SMAP1: variants seen among roughly 807,000 people sequenced by gnomAD.
SMAP1 encodes the protein stromal membrane-associated protein 1.
SMAP1 carries 24 observed loss-of-function variants against 58.5 expected under a neutral mutation model. The ratio of observed to expected loss-of-function variants is 0.41; its 90% CI spans 0.30 to 0.58. The LOEUF (loss-of-function observed/expected upper bound fraction) is 0.58, where lower values mean the gene tolerates loss of function less well. SMAP1 is among the 20% of genes least tolerant of loss of function. SMAP1 has a pLI of 0.29. For synonymous variants in SMAP1, 216 were observed against 196.6 expected (o/e 1.10, Z -0.82); for missense variants, 563 against 566.3 (o/e 0.99, Z 0.06).
chr6:70,789,121 TTC>T (rs1768223248), intron 4 of SMAP1, among the ~76,000 whole-genome samples: 1 of 152,202 alleles, frequency 6.6e-6, no homozygotes, highest in Non-Finnish European at 1.5e-5. Flanking sequence ...TGATTTCTGT[TTC>T]TTTATTCGTT....
intron 3 of SMAP1, among the ~76,000 whole-genome samples, chr6:70,771,598 G>A (rs899623357): frequency 8.5e-5 from 13 of 152,166 alleles, no homozygotes; most frequent in African/African-American, 2.7e-4. Flanking sequence ...TTTTAAGCCC[G>A]TCGGAAAAGC....
chr6:70,853,264 TA>T (rs1202455424), intron 8 of SMAP1, among the ~76,000 whole-genome samples: 2 of 152,152 alleles, frequency 1.3e-5, no homozygotes, highest in African/African-American at 4.8e-5. Flanking sequence ...GATATTTTAA[TA>T]AAAGTATTAA....
intron 2 of SMAP1, among the ~76,000 whole-genome samples, chr6:70,751,337 C>T (rs1047306795): frequency 6.6e-6 from 1 of 152,186 alleles, no homozygotes; most frequent in African/African-American, 2.4e-5. Context: ...TTAAAGTAAA[C>T]ATGAATGTTG....
At chr6:70,730,153 T>G (rs1765367521) in intron 1 of SMAP1, among the ~76,000 whole-genome samples, 1 of 152,146 alleles carries the variant, frequency 6.6e-6, no homozygotes, top group African/African-American at 2.4e-5. Context: ...GGGCTCAAGC[T>G]ATCCTTCTGC....
chr6:70,721,890 C>G (rs1768544120), intron 1 of SMAP1, among the ~76,000 whole-genome samples: 1 of 152,152 alleles, frequency 6.6e-6, no homozygotes, highest in Admixed American at 6.5e-5. Flanking sequence ...CCCCATGATT[C>G]AATTACCTTG....
At chr6:70,720,280 G>A (rs565431825) in intron 1 of SMAP1, among the ~76,000 whole-genome samples, 58 of 152,284 alleles carry the variant, frequency 3.8e-4, no homozygotes, top group African/African-American at 1.3e-3. Flanking sequence ...ATGAGTGCAG[G>A]TCTTGCATCG....
chr6:70,679,811 A>G (rs1326473216), intron 1 of SMAP1, among the ~76,000 whole-genome samples: 1 of 152,206 alleles, frequency 6.6e-6, no homozygotes, highest in Non-Finnish European at 1.5e-5. Context: ...GTTCTCTCCA[A>G]ATTAGTCTCT....
chr6:70,709,558 G>A (rs1283254414), intron 1 of SMAP1, among the ~76,000 whole-genome samples: 2 of 152,104 alleles, frequency 1.3e-5, no homozygotes, highest in African/African-American at 4.8e-5. Context: ...CTGGGCACAA[G>A]TAATCCTCCT....
intron 2 of SMAP1, among the ~76,000 whole-genome samples, chr6:70,733,931 A>G (rs978495850): frequency 3.9e-5 from 6 of 152,116 alleles, no homozygotes; most frequent in African/African-American, 1.4e-4. Context: ...TTAGAGTAGA[A>G]TTTTGTAATC....
chr6:70,757,900 G>A (rs1337430307), intron 3 of SMAP1, among the ~76,000 whole-genome samples: 5 of 151,704 alleles, frequency 3.3e-5, no homozygotes, highest in Admixed American at 6.6e-5. Context: ...GGAGAAATAG[G>A]AACACTTTTA....
At chr6:70,758,888 A>G (rs1379099169) in intron 3 of SMAP1, among the ~76,000 whole-genome samples, 1 of 152,122 alleles carries the variant, frequency 6.6e-6, no homozygotes, top group Non-Finnish European at 1.5e-5. Context: ...AGAGTTAGAA[A>G]TGAAAGATAA....
At chr6:70,787,063 C>T (rs1351362352) in intron 4 of SMAP1, among the ~76,000 whole-genome samples, 2 of 152,164 alleles carry the variant, frequency 1.3e-5, no homozygotes, top group Admixed American at 1.3e-4. Flanking sequence ...TACAAGGCTA[C>T]AGTAACCAAA....
intron 4 of SMAP1, among the ~76,000 whole-genome samples, chr6:70,786,505 A>G (rs1347749559): frequency 2.1e-5 from 3 of 143,756 alleles, no homozygotes; most frequent in African/African-American, 7.9e-5. Context: ...GAAAAGAGGA[A>G]GTCAAATTGT....
chr6:70,697,410 A>G (rs1025987040), intron 1 of SMAP1, among the ~76,000 whole-genome samples: 31 of 151,686 alleles, frequency 2.0e-4, no homozygotes, highest in African/African-American at 7.3e-4. Context: ...GGTTCAAGCA[A>G]TTCTCCTGCC....
At chr6:70,846,773 G>C (rs1259998094) in intron 7 of SMAP1, among the ~76,000 whole-genome samples, 1 of 152,138 alleles carries the variant, frequency 6.6e-6, no homozygotes, top group Non-Finnish European at 1.5e-5. Flanking sequence ...GTAAATCATT[G>C]TAACTCTGGG....
At chr6:70,802,048 G>T (rs543547707) in intron 6 of SMAP1, among the ~76,000 whole-genome samples, 1 of 152,302 alleles carries the variant, frequency 6.6e-6, no homozygotes, top group South Asian at 2.1e-4. Context: ...CCAATTCTGT[G>T]AAGAAAGTCA....
chr6:70,725,782 CA>C (rs1277282987), intron 1 of SMAP1, among the ~76,000 whole-genome samples: 1 of 152,160 alleles, frequency 6.6e-6, no homozygotes, highest in East Asian at 1.9e-4. Context: ...AAACCAAATC[CA>C]ATTCTTACTT....
intron 3 of SMAP1, among the ~76,000 whole-genome samples, chr6:70,771,009 G>T (rs551805316): frequency 1.1e-3 from 170 of 152,270 alleles, no homozygotes; most frequent in African/African-American, 3.9e-3. Flanking sequence ...TTTGCTGGAG[G>T]TCCACTCCAG....
Position 70,700,012 on chromosome 6 carries a change from G to A in SMAP1, c.118+31871G>A, listed in dbSNP as rs901941992. On this transcript the variant is annotated intron_variant, in intron 1 of 10. Transcript: ENST00000370455. The stretch of plus-strand genomic sequence containing the variant: ...TTGTCACACCCAAATCTCATGTTGA[G>A]ATGTTGTATTCCCCAGTGTTGGAGG... Among the ~76,000 whole-genome samples, 41 of 152,050 alleles carry A rather than the reference G, an allele frequency of 2.7e-4. 1 individual carries two copies. The highest frequency in any genetic ancestry group is 1.3e-4 in the Non-Finnish European group (9 of 68,020).
Sources: allele counts gnomAD v4.1 joint callset (sites outside exome capture counted in the v4.1 genomes callset), GRCh38; gene constraint gnomAD v4.1.1; transcripts MANE v1.5; gene names NCBI Gene and HGNC (gene_info 2026-07-23, HGNC 2026-07-21).